ZNF536: variants seen among roughly 807,000 people sequenced by gnomAD.
ZNF536 encodes zinc finger protein 536.
In ZNF536, 13 loss-of-function variants were observed where a neutral mutation model predicts 84.5. That is an observed-to-expected ratio of 0.15 (90% confidence interval 0.10 to 0.24). The LOEUF (loss-of-function observed/expected upper bound fraction) is 0.24. Ranked by LOEUF, ZNF536 falls within the 10% of genes least tolerant of loss-of-function variation. ZNF536 has a pLI of 1.00. For missense variants in ZNF536, 1,536 were observed against 1,747.5 expected (o/e 0.88, Z 2.16); for synonymous variants, 811 against 742.5 (o/e 1.09, Z -1.50).
At chr19:30,278,836 C>T (rs990758178) in intron 1 of ZNF536, among the ~76,000 whole-genome samples, 5 of 152,182 alleles carry the variant, frequency 3.3e-5, no homozygotes, top group African/African-American at 1.2e-4. Flanking sequence ...CTCTGACCCC[C>T]TCTTGTCTGC....
intron 3 of ZNF536, among the ~76,000 whole-genome samples, chr19:30,545,242 C>T (rs560411146): frequency 5.9e-5 from 9 of 152,102 alleles, no homozygotes; most frequent in East Asian, 5.8e-4. Context: ...ATCATAGGGA[C>T]GCTTACAAGG....
chr19:30,343,985 A>T (rs2047647719), intron 2 of ZNF536, among the ~76,000 whole-genome samples: 1 of 152,060 alleles, frequency 6.6e-6, no homozygotes, highest in Admixed American at 6.6e-5. Flanking sequence ...AACAGTCAAG[A>T]TGGCCATGCG....
chr19:30,666,013 C>A (rs1169530000), intron 1 of ZNF536, among the ~76,000 whole-genome samples: 3 of 152,210 alleles, frequency 2.0e-5, no homozygotes, highest in Non-Finnish European at 4.4e-5. Flanking sequence ...GGGGCCCCTG[C>A]AGCCCCAAAG....
intron 1 of ZNF536, among the ~76,000 whole-genome samples, chr19:30,708,096 T>A (rs974451657): frequency 6.6e-5 from 10 of 152,042 alleles, no homozygotes; most frequent in African/African-American, 2.4e-4. Context: ...AATTCCTGAC[T>A]ACCTGCTTTG....
intron 2 of ZNF536, among the ~76,000 whole-genome samples, chr19:30,486,186 C>T (rs2054295530): frequency 1.3e-5 from 2 of 152,106 alleles, no homozygotes; most frequent in Admixed American, 6.5e-5. Flanking sequence ...TTTGCTGCAC[C>T]TATCAACCTA....
At chr19:30,705,309 A>ATATGTG (rs113590643) in intron 1 of ZNF536, among the ~76,000 whole-genome samples, 1 of 149,110 alleles carries the variant, frequency 6.7e-6, no homozygotes, top group East Asian at 2.0e-4. Context: ...ACTCAGAAAG[A>ATATGTG]TGTGTGTGTG....
In ZNF536 at chr19:30,622,729, C is replaced by T. The variant is rs534224474; in HGVS notation, c.169+73215C>T. ...AGGTTGAAGGCCCAGCTTTGGGAGT[C>T]ACCAGGGAGACGGGGAGGTCAGATG... On this transcript the variant is annotated intron_variant, in intron 1 of 1. Transcript: ENST00000592773. Among the ~76,000 whole-genome samples, 24 of 152,286 alleles carry T rather than the reference C, an allele frequency of 1.6e-4. No individual in the cohort carries two copies. In the South Asian group the frequency reaches 4.8e-3, roughly 30 times the overall value.
At chr19:30,295,283 C>T (rs747724922) in intron 2 of ZNF536, among the ~76,000 whole-genome samples, 1 of 151,878 alleles carries the variant, frequency 6.6e-6, no homozygotes, top group South Asian at 2.1e-4. Flanking sequence ...TAGGTCTGCT[C>T]CCAGGCCAAT....
chr19:30,299,012 G>A (rs904713147), intron 2 of ZNF536, among the ~76,000 whole-genome samples: 1 of 152,164 alleles, frequency 6.6e-6, no homozygotes, highest in Admixed American at 6.5e-5. Context: ...GCCAAAGGGG[G>A]GGCCTGGGAA....
intron 2 of ZNF536, among the ~76,000 whole-genome samples, chr19:30,495,170 G>A (rs1208294580): frequency 6.6e-6 from 1 of 152,118 alleles, no homozygotes; most frequent in Admixed American, 6.5e-5. Context: ...TTACTTAACT[G>A]GCCTTACCCA....
At chr19:30,408,655 T>A (rs963119286) in intron 1 of ZNF536, among the ~76,000 whole-genome samples, 1 of 152,216 alleles carries the variant, frequency 6.6e-6, no homozygotes, top group African/African-American at 2.4e-5. Context: ...TGCAATCTGC[T>A]TTTGTTTTAT....
At chr19:30,434,693 G>T (rs1353434606) in intron 1 of ZNF536, among the ~76,000 whole-genome samples, 2 of 152,192 alleles carry the variant, frequency 1.3e-5, no homozygotes, top group Non-Finnish European at 2.9e-5. Flanking sequence ...TGATGAAGAT[G>T]AGGATCCTGT....
chr19:30,556,145 C>A (rs2045956780), intron 4 of ZNF536: 1 of 152,266 alleles, frequency 6.6e-6, no homozygotes, highest in South Asian at 2.1e-4. Flanking sequence ...TAGCTATTGA[C>A]CTCTATGGTC....
At chr19:30,520,331 G>A (rs1599671703) in intron 2 of ZNF536, among the ~76,000 whole-genome samples, 1 of 152,322 alleles carries the variant, frequency 6.6e-6, no homozygotes, top group East Asian at 1.9e-4. Context: ...CCCCCAGCGT[G>A]TAGGACTGAA....
At chr19:30,604,325 T>C (rs1452547888) in intron 1 of ZNF536, among the ~76,000 whole-genome samples, 1 of 152,220 alleles carries the variant, frequency 6.6e-6, no homozygotes, top group Non-Finnish European at 1.5e-5. Context: ...TTTATTTTTG[T>C]AAAAATATTC....
At position 30,548,787 on chromosome 19, in the gene ZNF536, G is replaced by T. The variant is rs145103196; in HGVS notation, c.3168G>T (p.Ser1056=). Residue 1056 remains serine, a synonymous_variant, in exon 4 of 5, where the codon TCG becomes TCT. Coordinates refer to ENST00000355537, the MANE Select transcript of ZNF536 (RefSeq NM_014717.3). ...REASKMALLP[S]LQSNKDLGLS... Reference sequence around the variant, plus strand: ...CGAGTAAGATGGCCCTGCTGCCCTCGTTACAATCAAACAAAGACCTGGGCC... The same window carrying T: ...CGAGTAAGATGGCCCTGCTGCCCTCTTTACAATCAAACAAAGACCTGGGCC... 2.5e-6 allele frequency: 4 copies of T among 1,613,662 alleles called. No homozygotes were observed. The highest frequency in any genetic ancestry group is 3.4e-6 in the Non-Finnish European group (4 of 1,180,012).
At chr19:30,371,703 C>T (rs1257597672), upstream of ZNF536, among the ~76,000 whole-genome samples, 1 of 151,420 alleles carries the variant, frequency 6.6e-6, no homozygotes, top group African/African-American at 2.4e-5. Flanking sequence ...GGGGCATTGC[C>T]AGCCAGCAGG....
At chr19:30,565,514 G>A (rs1355763360) in intron 1 of ZNF536, among the ~76,000 whole-genome samples, 1 of 152,230 alleles carries the variant, frequency 6.6e-6, no homozygotes, top group African/African-American at 2.4e-5. Context: ...CCCATTTTAT[G>A]AATGAGGAAA....
At chr19:30,537,591 G>C (rs567269465) in intron 3 of ZNF536, among the ~76,000 whole-genome samples, 1 of 152,272 alleles carries the variant, frequency 6.6e-6, no homozygotes, top group South Asian at 2.1e-4. Flanking sequence ...CTTCCCGGGG[G>C]GTAAGAGAAG....
Sources: allele counts gnomAD v4.1 joint callset (sites outside exome capture counted in the v4.1 genomes callset), GRCh38; gene constraint gnomAD v4.1.1; transcripts MANE v1.5; gene names NCBI Gene and HGNC (gene_info 2026-07-23, HGNC 2026-07-21).